The following MCTP1 variants were observed in gnomAD, a reference collection of about 807,000 sequenced individuals.
MCTP1 encodes the protein multiple C2 and transmembrane domain-containing protein 1.
Under a neutral mutation model 120.6 loss-of-function variants are expected in MCTP1, and 69 were observed. The ratio of observed to expected loss-of-function variants is 0.57; its 90% CI spans 0.47 to 0.70. The LOEUF is 0.70. Ranked by LOEUF, MCTP1 falls within the 30% of genes least tolerant of loss-of-function variation. The probability of loss-of-function intolerance (pLI) is 0.00; values close to 1 mark genes in which losing one functional copy is unlikely to be tolerated. For missense variants in MCTP1, 1,203 were observed against 1,248.8 expected, an observed-to-expected ratio of 0.96 and a Z score of 0.55; for synonymous variants, 529 against 493.1, an observed-to-expected ratio of 1.07 and a Z score of -0.96.
rs1758493191 is a variant in MCTP1 at position 94,714,887 on chromosome 5, C to G, written c.2611-1G>C. 3 of 1,569,332 alleles carry G rather than the reference C, an allele frequency of 1.9e-6. No homozygotes were observed. Among genetic ancestry groups the G allele is most frequent in the Admixed American group, 3.4e-5 (2 of 59,514 alleles). On this transcript the variant is annotated splice_acceptor_variant, in intron 19 of 22. Coordinates refer to ENST00000515393, the MANE Select transcript of MCTP1 (RefSeq NM_024717.7). LOFTEE classifies it high-confidence loss of function. ...TTATAAATCCCTTTTTTTCACTGTC[C>G]TAAAATGCAATAAAAAAGAAATTCT...
intron 17 of MCTP1, among the ~76,000 whole-genome samples, chr5:94,862,488 C>A (rs1452472472): frequency 2.0e-5 from 3 of 151,726 alleles, no homozygotes; most frequent in Admixed American, 6.6e-5. Flanking sequence ...AAAAACAAAA[C>A]AAAAATAACT....
In MCTP1 at chr5:94,995,726, A is replaced by G. The variant is rs535664127; in HGVS notation, c.838+21641T>C. ...TAGTCTCTCAAATGGAATAGAGCTC[A>G]TATTTTGATTGGTTTTTGAGATTAA... On this transcript the variant is annotated intron_variant, in intron 2 of 22. Coordinates refer to ENST00000515393, the MANE Select transcript of MCTP1 (RefSeq NM_024717.7). Among the ~76,000 whole-genome samples, 522 of 152,310 alleles carry G rather than the reference A, an allele frequency of 3.4e-3. 3 individuals carry two copies. Among genetic ancestry groups the G allele is most frequent in the African/African-American group, 0.012 (498 of 41,578 alleles).
chr5:94,952,712 T>G (rs1256395502), intron 3 of MCTP1, among the ~76,000 whole-genome samples: 1 of 152,102 alleles, frequency 6.6e-6, no homozygotes, highest in Non-Finnish European at 1.5e-5. Context: ...TTTAATTACA[T>G]CAAACGAGAG....
In MCTP1 at chr5:94,784,027, C is replaced by T. The variant is rs1043426543; in HGVS notation, c.2557-4864G>A. Among the ~76,000 whole-genome samples the T allele has an allele frequency of 4.6e-5, 7 of 152,022 alleles. No homozygotes were observed. In the South Asian group the frequency reaches 6.2e-4, roughly 14 times the overall value. ...AAATATGGTCTATAAAAATGCAACA[C>T]GTTTACACATTTAAAGAAGAAATCA... On this transcript the variant is annotated intron_variant, in intron 18 of 22. Coordinates refer to ENST00000515393, the MANE Select transcript of MCTP1 (RefSeq NM_024717.7).
chr5:95,007,099 T>C (rs1406042390), intron 2 of MCTP1, among the ~76,000 whole-genome samples: 5 of 152,136 alleles, frequency 3.3e-5, no homozygotes, highest in Non-Finnish European at 7.4e-5. Flanking sequence ...CTTCACATGG[T>C]GGCAGGAAGA....
At chr5:94,995,175 C>T (rs1832375778) in intron 2 of MCTP1, among the ~76,000 whole-genome samples, 1 of 152,122 alleles carries the variant, frequency 6.6e-6, no homozygotes, top group Admixed American at 6.5e-5. Context: ...AGACGGGGGG[C>T]AGTGAGATTC....
At chr5:95,071,416 C>T (rs370868560) in intron 1 of MCTP1, among the ~76,000 whole-genome samples, 24 of 152,320 alleles carry the variant, frequency 1.6e-4, no homozygotes, top group East Asian at 1.4e-3. Flanking sequence ...CAAAAAGTAA[C>T]TCTACATATC....
At position 95,202,879 on chromosome 5, in the gene MCTP1, C is replaced by T. The variant is rs368863877; in HGVS notation, c.720+80977G>A. Among the ~76,000 whole-genome samples the T allele has an allele frequency of 2.8e-4, 42 of 152,140 alleles. No individual in the cohort carries two copies. In the East Asian group the frequency reaches 3.7e-3, roughly 13 times the overall value. ...AGTAGCTGGGACTACAGGTGAGTGCCGCCAGACCCAACTAATTTTTTGTAT... is the reference window on the plus strand; with the variant it reads ...AGTAGCTGGGACTACAGGTGAGTGCTGCCAGACCCAACTAATTTTTTGTAT... On this transcript the variant is annotated intron_variant, in intron 1 of 22. Transcript: ENST00000515393.
intron 1 of MCTP1, among the ~76,000 whole-genome samples, chr5:95,194,395 C>T (rs1260426970): frequency 6.6e-6 from 1 of 152,128 alleles, no homozygotes; most frequent in Non-Finnish European, 1.5e-5. Flanking sequence ...AATTACCTGC[C>T]ATGGTGAACG....
intron 1 of MCTP1, among the ~76,000 whole-genome samples, chr5:95,028,996 T>C (rs1438293946): frequency 6.6e-6 from 1 of 151,992 alleles, no homozygotes; most frequent in Non-Finnish European, 1.5e-5. Flanking sequence ...CAGTCTCTAC[T>C]AAAAATACAA....
At chr5:95,258,306 G>A (rs1052807252) in intron 1 of MCTP1, among the ~76,000 whole-genome samples, 2 of 152,010 alleles carry the variant, frequency 1.3e-5, no homozygotes, top group Non-Finnish European at 2.9e-5. Flanking sequence ...TTCCCTTTGG[G>A]GTTTCCTCCC....
intron 10 of MCTP1, among the ~76,000 whole-genome samples, chr5:94,904,477 A>G (rs1316530888): frequency 6.6e-6 from 1 of 152,174 alleles, no homozygotes; most frequent in Non-Finnish European, 1.5e-5. Flanking sequence ...CTTTTGTGTA[A>G]AGTTTTACAA....
intron 19 of MCTP1, among the ~76,000 whole-genome samples, chr5:94,776,918 A>T (rs2152926774): frequency 6.6e-6 from 1 of 152,294 alleles, no homozygotes; most frequent in Non-Finnish European, 1.5e-5. Context: ...TCCATTTCTT[A>T]TAGGAAAAAC....
chr5:94,836,677 T>C (rs758278340), intron 17 of MCTP1, among the ~76,000 whole-genome samples: 22 of 152,218 alleles, frequency 1.4e-4, no homozygotes, highest in Non-Finnish European at 2.8e-4. Context: ...TGATTGCCCA[T>C]AGTTTTGTCC....
chr5:94,959,702 C>A (rs1003501090), intron 2 of MCTP1, among the ~76,000 whole-genome samples: 1 of 152,098 alleles, frequency 6.6e-6, no homozygotes, highest in South Asian at 2.1e-4. Flanking sequence ...CCTAGGAATA[C>A]AATTTAAAAG....
chr5:94,765,369 T>G (rs796966480), intron 19 of MCTP1, among the ~76,000 whole-genome samples: 7 of 151,930 alleles, frequency 4.6e-5, no homozygotes, highest in African/African-American at 1.7e-4. Context: ...AACCCAAAAT[T>G]AGTAGAAGGA....
At chr5:94,765,551 A>C (rs1007901066) in intron 19 of MCTP1, among the ~76,000 whole-genome samples, 1 of 152,012 alleles carries the variant, frequency 6.6e-6, no homozygotes, top group Admixed American at 6.5e-5. Context: ...AAATACAAAA[A>C]TTAGCCAGGT....
Position 94,909,362 on chromosome 5 carries a change from T to G in MCTP1, c.1541A>C (p.Asn514Thr). 3.8e-6 allele frequency: 6 copies of G among 1,587,168 alleles called. No individual in the cohort carries two copies. The highest frequency in any genetic ancestry group is 5.1e-6 in the Non-Finnish European group (6 of 1,171,564). Residue 514 changes from asparagine (N) to threonine (T), a missense_variant, in exon 10 of 23, where the codon AAT becomes ACT. Asn to Thr is a moderately conservative substitution (Grantham distance 65, BLOSUM62 0). Coordinates refer to ENST00000515393, the MANE Select transcript of MCTP1 (RefSeq NM_024717.7). ...YKSKIMPKTLNPQWREQFDFH... is the reference protein window; with the variant it reads ...YKSKIMPKTLTPQWREQFDFH... ...ATCAAATTGTTCCCTCCACTGAGGA[T>G]TCAACGTTTTTGGCATAATCTGGAA...
intron 17 of MCTP1, among the ~76,000 whole-genome samples, chr5:94,827,733 T>C (rs1030638434): frequency 2.0e-5 from 3 of 151,776 alleles, no homozygotes; most frequent in Non-Finnish European, 2.9e-5. Flanking sequence ...ATCTCTGATA[T>C]CCTTTCTTCT....
Sources: allele counts gnomAD v4.1 joint callset (sites outside exome capture counted in the v4.1 genomes callset), GRCh38; gene constraint gnomAD v4.1.1; transcripts MANE v1.5; gene names NCBI Gene and HGNC (gene_info 2026-07-23, HGNC 2026-07-21).